ULK4: variants seen among roughly 807,000 people sequenced by gnomAD.
ULK4 encodes inactive serine/threonine-protein kinase ULK4.
A neutral mutation model predicts 160.6 loss-of-function variants in ULK4; 133 were observed. That is an observed-to-expected ratio of 0.83 (90% CI 0.72 to 0.96). ULK4 has a LOEUF of 0.96. Ranked by LOEUF, ULK4 falls within the 40% of genes least tolerant of loss-of-function variation. The pLI is 0.00. For synonymous variants in ULK4, 534 were observed against 539.8 expected, an observed-to-expected ratio of 0.99 and a Z score of 0.15; for missense variants, 1,580 against 1,499.5, an observed-to-expected ratio of 1.05 and a Z score of -0.89.
chr3:41,733,571 T>C (rs2037908072), intron 22 of ULK4, among the ~76,000 whole-genome samples: 1 of 151,942 alleles, frequency 6.6e-6, no homozygotes, highest in Admixed American at 6.6e-5. Flanking sequence ...ATTAAATATT[T>C]ATAAAAAGAG....
intron 16 of ULK4, among the ~76,000 whole-genome samples, chr3:41,888,911 C>T (rs1697821345): frequency 6.6e-6 from 1 of 152,158 alleles, no homozygotes; most frequent in Admixed American, 6.5e-5. Flanking sequence ...CCCACCTACC[C>T]ACATACCAAC....
intron 34 of ULK4, among the ~76,000 whole-genome samples, chr3:41,399,492 T>C (rs1412219771): frequency 6.6e-6 from 1 of 152,222 alleles, no homozygotes; most frequent in Non-Finnish European, 1.5e-5. Flanking sequence ...AAAAAATATT[T>C]TTAATTTTGA....
At chr3:41,666,224 G>A (rs2035347115) in intron 29 of ULK4, among the ~76,000 whole-genome samples, 1 of 152,166 alleles carries the variant, frequency 6.6e-6, no homozygotes, top group Admixed American at 6.5e-5. Flanking sequence ...AGCTCCTCCA[G>A]AGGTCAAGCT....
intron 17 of ULK4, among the ~76,000 whole-genome samples, chr3:41,879,652 A>G (rs1697436077): frequency 6.6e-6 from 1 of 151,788 alleles, no homozygotes; most frequent in Admixed American, 6.6e-5. Flanking sequence ...ACCAAACTCT[A>G]TTTTTTCTAG....
chr3:41,547,854 G>A (rs1454628852), intron 32 of ULK4, among the ~76,000 whole-genome samples: 1 of 152,198 alleles, frequency 6.6e-6, no homozygotes, highest in African/African-American at 2.4e-5. Flanking sequence ...CCTACACCAT[G>A]AAAACAAGCA....
chr3:41,465,440 T>C (rs1220846677), intron 32 of ULK4, among the ~76,000 whole-genome samples: 3 of 152,238 alleles, frequency 2.0e-5, no homozygotes, highest in Admixed American at 6.5e-5. Context: ...TAAAAATCAA[T>C]GTATTTTTTA....
chr3:41,446,819 T>C (rs887636252), intron 34 of ULK4, among the ~76,000 whole-genome samples: 70 of 151,718 alleles, frequency 4.6e-4, no homozygotes, highest in African/African-American at 1.6e-3. Flanking sequence ...ATGGCACATG[T>C]ATATATATGT....
chr3:41,827,704 A>C (rs2041412401), intron 18 of ULK4, among the ~76,000 whole-genome samples: 1 of 152,184 alleles, frequency 6.6e-6, no homozygotes, highest in African/African-American at 2.4e-5. Context: ...ATTCACAGCC[A>C]AAATCTACCA....
At chr3:41,782,156 A>ATTT (rs35717916) in intron 21 of ULK4, among the ~76,000 whole-genome samples, 17,504 of 142,862 alleles carry the variant, frequency 0.12, 1,190 homozygotes, top group Middle Eastern at 0.27. Flanking sequence ...GCGATTCTGA[A>ATTT]TTTTTTTTTT....
intron 34 of ULK4, among the ~76,000 whole-genome samples, chr3:41,404,800 T>G (rs1197706473): frequency 6.6e-6 from 1 of 152,212 alleles, no homozygotes; most frequent in Non-Finnish European, 1.5e-5. Context: ...TTCTGGCATA[T>G]TATGACACAG....
At chr3:41,888,864 G>A (rs542990153) in intron 16 of ULK4, among the ~76,000 whole-genome samples, 4 of 152,324 alleles carry the variant, frequency 2.6e-5, no homozygotes, top group African/African-American at 9.6e-5. Flanking sequence ...TCTTCAGCCA[G>A]CTGGAATTCC....
At chr3:41,873,717 C>T (rs763577282) in intron 17 of ULK4, among the ~76,000 whole-genome samples, 1 of 152,044 alleles carries the variant, frequency 6.6e-6, no homozygotes, top group Non-Finnish European at 1.5e-5. Flanking sequence ...TCATGCCTAA[C>T]TAATTTTGTA....
chr3:41,737,052 A>G (rs2038079051), intron 22 of ULK4, among the ~76,000 whole-genome samples: 1 of 151,900 alleles, frequency 6.6e-6, no homozygotes, highest in African/African-American at 2.4e-5. Context: ...ATTGGTCTAC[A>G]TCTCTGTTTT....
In ULK4 at chr3:41,961,002, A is replaced by AG. The variant is rs546036079; in HGVS notation, c.-49+1013dup. ...TGACTTTCGTAGTCATCACTTCCTT[A>AG]GGTTTCTTCATGGTTTTCTCACTCG... On this transcript the variant is annotated intron_variant, in intron 1 of 36. Transcript: ENST00000301831. 2.8e-3 allele frequency among the ~76,000 whole-genome samples: 433 copies of AG among 152,188 alleles called. 7 individuals carry two copies. Among genetic ancestry groups the AG allele is most frequent in the Non-Finnish European group, 2.4e-3 (160 of 68,010 alleles).
chr3:41,328,029 G>T (rs1279209505), intron 35 of ULK4, among the ~76,000 whole-genome samples: 1 of 152,190 alleles, frequency 6.6e-6, no homozygotes, highest in Non-Finnish European at 1.5e-5. Flanking sequence ...CAGAGCCTGA[G>T]ACTGGGAAAA....
intron 32 of ULK4, among the ~76,000 whole-genome samples, chr3:41,499,797 CCTT>C (rs1305432417): frequency 6.6e-5 from 10 of 152,026 alleles, no homozygotes. Flanking sequence ...GCATTAAAGT[CCTT>C]CTTTAATATG....
chr3:41,873,595 C>T (rs1697193790), intron 17 of ULK4, among the ~76,000 whole-genome samples: 1 of 152,074 alleles, frequency 6.6e-6, no homozygotes, highest in African/African-American at 2.4e-5. Context: ...ACTCTGTCGC[C>T]CAGGCTAGAG....
chr3:41,487,998 T>C (rs1362120220), intron 32 of ULK4, among the ~76,000 whole-genome samples: 1 of 152,128 alleles, frequency 6.6e-6, no homozygotes, highest in Non-Finnish European at 1.5e-5. Context: ...AATGATTCTA[T>C]GAAGAGTGCT....
intron 32 of ULK4, among the ~76,000 whole-genome samples, chr3:41,560,688 G>T (rs1406754279): frequency 2.0e-5 from 3 of 152,298 alleles, no homozygotes; most frequent in South Asian, 2.1e-4. Context: ...GTATAGGAAT[G>T]CTTGTGATTT....
Sources: allele counts gnomAD v4.1 joint callset (sites outside exome capture counted in the v4.1 genomes callset), GRCh38; gene constraint gnomAD v4.1.1; transcripts MANE v1.5; gene names NCBI Gene and HGNC (gene_info 2026-07-23, HGNC 2026-07-21).